ZNF142: variants seen among roughly 807,000 people sequenced by gnomAD.
The protein encoded by ZNF142 is zinc finger protein 142.
Under a neutral mutation model 132.1 loss-of-function variants are expected in ZNF142, and 96 were observed. That is an observed-to-expected ratio of 0.73 (90% CI 0.62 to 0.86). The LOEUF is 0.86. Ranked by LOEUF, ZNF142 falls within the 40% of genes least tolerant of loss-of-function variation. The pLI is 0.00. For missense variants in ZNF142, 2,163 were observed against 2,336.2 expected (o/e 0.93, Z 1.53); for synonymous variants, 842 against 890.1 (o/e 0.95, Z 0.96).
Position 218,644,271 on chromosome 2 carries a change from C to A in ZNF142, c.2845G>T (p.Asp949Tyr), listed in dbSNP as rs1697537241. The change falls in exon 9 of 11, where the codon GAC becomes TAC. Residue 949 changes from aspartate (D) to tyrosine (Y), a missense_variant. Asp to Tyr is a radical substitution (Grantham distance 160). Transcript: ENST00000411696. The surrounding 1 kb of genome is among the most constrained non-coding windows in gnomAD (Gnocchi z 4.6). ...AGGGGATTTTCTTCAGCACTCAAGT[C>A]AGAAGTCCCAATACCTTCAAAGCTA... The part of the protein sequence containing the change: ...LSSFEGIGTS[D>Y]LSAEENPLLE... The A allele has an allele frequency of 6.2e-7, 1 of 1,613,944 alleles. No individual in the cohort carries two copies.
At position 218,635,745 on chromosome 2, in the gene ZNF142, G is replaced by A; in HGVS notation, c.*2594C>T. On this transcript the variant is annotated 3_prime_UTR_variant, in exon 11 of 11. Coordinates refer to ENST00000411696, the MANE Select transcript of ZNF142 (RefSeq NM_001379659.1). The stretch of plus-strand genomic sequence containing the variant: ...CCCCTGGGGTTGGGAGTAGGGTCGG[G>A]TGGGGCTGGGCTGAGCAGGAACTTG... 6.3e-7 allele frequency: 1 copy of A among 1,581,630 alleles called. No individual in the cohort carries two copies. Among genetic ancestry groups the A allele is most frequent in the African/African-American group, 1.3e-5 (1 of 74,310 alleles).
At chr2:218,649,715 G>T (rs1238535803) in intron 6 of ZNF142, among the ~76,000 whole-genome samples, 1 of 152,192 alleles carries the variant, frequency 6.6e-6, no homozygotes, top group Non-Finnish European at 1.5e-5. Context: ...TGCTCTTCTT[G>T]AGCCTTTGTT....
At chr2:218,647,656 C>G (rs1190742179) in intron 7 of ZNF142, among the ~76,000 whole-genome samples, 1 of 152,110 alleles carries the variant, frequency 6.6e-6, no homozygotes, top group Admixed American at 6.5e-5. Context: ...CAGTGATACT[C>G]AGTGAGAACT....
In ZNF142 at chr2:218,636,253, A is replaced by C; in HGVS notation, c.*2086T>G. 2 of 1,614,054 alleles carry C rather than the reference A, an allele frequency of 1.2e-6. No individual in the cohort carries two copies. The highest frequency in any genetic ancestry group is 1.7e-6 in the Non-Finnish European group (2 of 1,179,892). ...TGTCCACCAACTCAGGTTTTAATCC[A>C]TACTGGGGGCAGACACTATGTTTCC... is the stretch of plus-strand genomic sequence containing the variant. On this transcript the variant is annotated 3_prime_UTR_variant, in exon 11 of 11. Coordinates refer to ENST00000411696, the MANE Select transcript of ZNF142 (RefSeq NM_001379659.1).
At chr2:218,645,458 C>T (rs1427277413) in intron 8 of ZNF142, among the ~76,000 whole-genome samples, 2 of 152,220 alleles carry the variant, frequency 1.3e-5, no homozygotes, top group Non-Finnish European at 2.9e-5. Context: ...TTTCCCTTCT[C>T]CCACAGAGGC....
rs917147736 is a variant in ZNF142, at chr2:218,638,447, C to G, written c.5556G>C (p.Gln1852His). ...RHHPDQADPN[Q>H]GVGKDPTTPT... ...GGGTGGTGGGGTCTTTGCCCACACC[C>G]TGGTTTGGGTCGGCTTGGTCAGGGT... Residue 1852 changes from glutamine (Q) to histidine (H), a missense_variant, in exon 11 of 11, where the codon CAG (glutamine) becomes CAC (histidine). This residue lies in a region of ZNF142 where 325 missense variants were observed against 367.8 expected (regional missense o/e 0.88). Transcript: ENST00000411696. 68 of 1,577,904 alleles carry G rather than the reference C, an allele frequency of 4.3e-5. No individual in the cohort carries two copies. The East Asian group carries it at 1.5e-3, about 36-fold the overall frequency.
chr2:218,656,227 T>C lies in ZNF142; in HGVS notation c.203A>G (p.Glu68Gly). Residue 68 changes from glutamate to glycine, a missense_variant, in exon 4 of 11, where the codon GAG becomes GGG. Glu to Gly is a moderately conservative substitution (Grantham distance 98). Coordinates refer to ENST00000411696, the MANE Select transcript of ZNF142 (RefSeq NM_001379659.1). ...AATGATCTCCATGTTCCCTGGTCCC[T>C]CTTCAGTTGCTGTGGCCTCTACCAG... ...CLLVEATATEEGPGNMEIIVE... is the reference protein window; with the variant it reads ...CLLVEATATEGGPGNMEIIVE... 1.2e-6 allele frequency: 2 copies of C among 1,613,386 alleles called. No individual in the cohort carries two copies. The highest frequency in any genetic ancestry group is 2.2e-5 in the South Asian group (2 of 90,816).
chr2:218,651,648 A>T (rs1409584385), intron 5 of ZNF142, 53 bp downstream of exon 5: 12 of 1,221,132 alleles, frequency 9.8e-6, no homozygotes, highest in Non-Finnish European at 1.3e-5. Flanking sequence ...CTCCTATAAG[A>T]TCAACTGTGG....
At position 218,643,976 on chromosome 2, in the gene ZNF142, C is replaced by G. The variant is rs781345614; in HGVS notation, c.3140G>C (p.Arg1047Pro). 2.2e-5 allele frequency: 35 copies of G among 1,614,000 alleles called. No individual in the cohort carries two copies. In the East Asian group the frequency reaches 7.4e-4, roughly 34 times the overall value. Residue 1047 changes from arginine (R) to proline (P), a missense_variant, in exon 9 of 11, where the codon CGG (arginine) becomes CCG (proline). Coordinates refer to ENST00000411696, the MANE Select transcript of ZNF142 (RefSeq NM_001379659.1). ...RCPHCPFITR[R>P]EKALNLHSRT... ...GGAGTGCAGATTCAGGGCCTTCTCC[C>G]GGCGAGTGATAAAAGGGCAGTGTGG...
At chr2:218,656,001 C>T (rs1023632806) in intron 4 of ZNF142, 149 bp downstream of exon 4, 3 of 1,072,700 alleles carry the variant, frequency 2.8e-6, no homozygotes, top group East Asian at 5.8e-5. Flanking sequence ...AATCAACATG[C>T]ACCAACTGCA....
rs1300802515 is a variant in ZNF142, at chr2:218,635,834, CAA to C, written c.*2503_*2504del. On this transcript the variant is annotated 3_prime_UTR_variant, in exon 11 of 11. Transcript: ENST00000411696. Reference sequence around the variant, plus strand: ...AGCAACTCCCCAAAGTGGACAAGACCAAAGAGGGGTCCATTGTGGATCCACTG... The same window carrying C: ...AGCAACTCCCCAAAGTGGACAAGACCAGAGGGGTCCATTGTGGATCCACTG... 2 of 1,613,600 alleles carry C rather than the reference CAA, an allele frequency of 1.2e-6. No individual in the cohort carries two copies. Among genetic ancestry groups the C allele is most frequent in the East Asian group, 4.5e-5 (2 of 44,884 alleles).
At chr2:218,657,729 C>G (rs1434809567) in intron 3 of ZNF142, among the ~76,000 whole-genome samples, 1 of 152,188 alleles carries the variant, frequency 6.6e-6, no homozygotes, top group Admixed American at 6.5e-5. Flanking sequence ...CGCGCCGGGC[C>G]TGGCTTCCCG....
At chr2:218,640,568 T>G in intron 10 of ZNF142, 96 bp downstream of exon 10, 1 of 1,063,336 alleles carries the variant, frequency 9.4e-7, no homozygotes, top group South Asian at 1.4e-5. Flanking sequence ...GAAATTGATG[T>G]TGGCCCTGAA....
At position 218,635,963 on chromosome 2, in the gene ZNF142, G is replaced by A; in HGVS notation, c.*2376C>T. The A allele has an allele frequency of 6.2e-7, 1 of 1,613,798 alleles. No homozygotes were observed. Among genetic ancestry groups the A allele is most frequent in the Non-Finnish European group, 8.5e-7 (1 of 1,179,726 alleles). On this transcript the variant is annotated 3_prime_UTR_variant, in exon 11 of 11. Coordinates refer to ENST00000411696, the MANE Select transcript of ZNF142 (RefSeq NM_001379659.1). The stretch of plus-strand genomic sequence containing the variant: ...AACTGGCAGTGCTGGGGAGGTGGGG[G>A]TAGGAGCATGATTAGTTTTCCTTCT...
Position 218,651,781 on chromosome 2 carries a change from T to G in ZNF142, c.800A>C (p.Gln267Pro). The G allele has an allele frequency of 7.8e-7, 1 of 1,289,896 alleles. No individual in the cohort carries two copies. The highest frequency in any genetic ancestry group is 1.0e-6 in the Non-Finnish European group (1 of 988,892). The allele number at this position is 1,289,896 out of a possible 1,614,324, so 79.9% of individuals were successfully genotyped here. A position where few individuals can be genotyped will look rare whatever the true frequency, so the allele number is the denominator to read the frequency against. Residue 267 changes from glutamine (Q) to proline (P), a missense_variant, in exon 5 of 11, where the codon CAG (glutamine) becomes CCG (proline). Gln to Pro is a moderately conservative substitution (Grantham distance 76). Transcript: ENST00000411696. Reference protein sequence around the residue: ...FIGSNVKLFRQHQRSHGAGTQ... With the variant: ...FIGSNVKLFRPHQRSHGAGTQ... ...CCCAGCACCATGGCTCCGCTGATGC[T>G]GCCGGAAGAGTTTGACGTTGGAGCC...
At chr2:218,656,951 G>A (rs2106283751) in intron 3 of ZNF142, among the ~76,000 whole-genome samples, 1 of 151,854 alleles carries the variant, frequency 6.6e-6, no homozygotes, top group South Asian at 2.1e-4. Flanking sequence ...CCCAATAGCT[G>A]GACTACAGGC....
In ZNF142 at chr2:218,652,025, G is replaced by C. The variant is rs1187979227; in HGVS notation, c.556C>G (p.His186Asp). 1.9e-6 allele frequency: 1 copy of C among 533,534 alleles called. No individual in the cohort carries two copies. The allele number at this position is 533,534 out of a possible 1,614,324, so 33.0% of individuals were successfully genotyped here. The change falls in exon 5 of 11, where the codon CAC becomes GAC. Residue 186 changes from histidine to aspartate, a missense_variant. This residue lies in a region of ZNF142 where 195 missense variants were observed against 172.4 expected (regional missense o/e 1.13). Coordinates refer to ENST00000411696, the MANE Select transcript of ZNF142 (RefSeq NM_001379659.1). Reference protein sequence around the residue: ...PQALKSHFKIHRGTPDTFSCP... With the variant: ...PQALKSHFKIDRGTPDTFSCP... Reference sequence around the variant, plus strand: ...GAGAAGGTGTCAGGAGTGCCCCGGTGAATCTTGAAGTGGCTCTTCAGGGCC... The same window carrying C: ...GAGAAGGTGTCAGGAGTGCCCCGGTCAATCTTGAAGTGGCTCTTCAGGGCC...
chr2:218,637,581 G>A lies in ZNF142; in HGVS notation c.*758C>T, dbSNP rs921586073. 1.3e-5 allele frequency among the ~76,000 whole-genome samples: 2 copies of A among 152,184 alleles called. No homozygotes were observed. Among genetic ancestry groups the A allele is most frequent in the Admixed American group, 1.3e-4 (2 of 15,274 alleles). On this transcript the variant is annotated 3_prime_UTR_variant, in exon 11 of 11. Coordinates refer to ENST00000411696, the MANE Select transcript of ZNF142 (RefSeq NM_001379659.1). ...CTCTCTAGTCATCTGCCTTTCCATA[G>A]TATCCTTGTGCTTTAACACCTTAGT...
rs1347217738 is a variant in ZNF142, at chr2:218,644,550, G to A, written c.2566C>T (p.Leu856=). Reference sequence around the variant, plus strand: ...TTGACCTCCTCACTCATCTCTGGCAGGGCCTGGTCCAAGCTGGGGTCCACC... The same window carrying A: ...TTGACCTCCTCACTCATCTCTGGCAAGGCCTGGTCCAAGCTGGGGTCCACC... ...TVVDPSLDQA[L]PEMSEEVNTG... is the part of the protein sequence containing the mutation. Residue 856 remains leucine (L), a synonymous_variant, in exon 9 of 11, where the codon CTG becomes TTG. Coordinates refer to ENST00000411696, the MANE Select transcript of ZNF142 (RefSeq NM_001379659.1). The surrounding 1 kb of genome is among the most constrained non-coding windows in gnomAD (Gnocchi z 4.6). 6.2e-7 allele frequency: 1 copy of A among 1,614,112 alleles called. No individual in the cohort carries two copies.
Sources: allele counts gnomAD v4.1 joint callset (sites outside exome capture counted in the v4.1 genomes callset), GRCh38; gene constraint gnomAD v4.1.1; regional missense constraint gnomAD v4.1.1; non-coding constraint Gnocchi (gnomAD v3.1); transcripts MANE v1.5; gene names NCBI Gene and HGNC (gene_info 2026-07-23, HGNC 2026-07-21).